Variants in DDX6 observed in about 807,000 individuals in gnomAD.
The protein encoded by DDX6 is probable ATP-dependent RNA helicase DDX6.
Under a neutral mutation model 60.6 loss-of-function variants are expected in DDX6, and 7 were observed. The observed-to-expected ratio is 0.12, with a 90% CI of 0.07 to 0.22. DDX6 has a LOEUF of 0.22. DDX6 is among the 10% of genes least tolerant of loss of function. The pLI is 1.00. For synonymous variants in DDX6, 207 were observed against 201.0 expected (o/e 1.03, Z -0.25); for missense variants, 270 against 589.9 (o/e 0.46, Z 5.62).
rs1860619300 is a variant in DDX6 at position 118,747,973 on chromosome 11, A to T, written c.*4132T>A. The T allele has an allele frequency of 7.0e-6, 1 of 142,088 alleles. No individual in the cohort carries two copies. Among genetic ancestry groups the T allele is most frequent in the African/African-American group, 2.7e-5 (1 of 37,352 alleles). 8.8% of individuals were successfully genotyped at this position (142,088 alleles called of 1,614,324 possible). On this transcript the variant is annotated 3_prime_UTR_variant, in exon 14 of 14. Coordinates refer to ENST00000534980, the MANE Select transcript of DDX6 (RefSeq NM_004397.6). ...TTTTCCCTTCCCCCAATGTTTCTGA[A>T]ATTTTGAGTTCCCACTGTTCACTTC... is the stretch of plus-strand genomic sequence containing the variant.
intron 7 of DDX6, 122 bp from the exon 8 acceptor site, chr11:118,760,166 A>G (rs1555159856): frequency 2.1e-6 from 2 of 939,982 alleles, no homozygotes; most frequent in East Asian, 5.4e-5. Flanking sequence ...TCCTGGTGGA[A>G]AACAATAAAT....
chr11:118,755,277 A>G (rs993011705), intron 12 of DDX6, 125 bp downstream of exon 12: 1 of 623,222 alleles, frequency 1.6e-6, no homozygotes, highest in Admixed American at 2.9e-5. Flanking sequence ...ATACCAAACA[A>G]CTGAATTACT....
intron 5 of DDX6, among the ~76,000 whole-genome samples, chr11:118,766,689 G>T (rs1161446255): frequency 1.3e-5 from 2 of 151,988 alleles, no homozygotes; most frequent in Non-Finnish European, 1.5e-5. Flanking sequence ...TGCCTCCCAG[G>T]TTCAAGCAAT....
intron 4 of DDX6, among the ~76,000 whole-genome samples, chr11:118,775,783 T>C (rs1440437429): frequency 6.6e-6 from 1 of 152,200 alleles, no homozygotes; most frequent in Non-Finnish European, 1.5e-5. Context: ...GTAACAAAGT[T>C]AATTTTAAAT....
chr11:118,760,816 T>G (rs1861139338), intron 7 of DDX6, among the ~76,000 whole-genome samples: 1 of 100,072 alleles, frequency 1.0e-5, no homozygotes, highest in Non-Finnish European at 1.9e-5. Flanking sequence ...GCGAGACTAC[T>G]CCGTCTCAAA....
chr11:118,777,885 T>C (rs1465257717), intron 4 of DDX6, among the ~76,000 whole-genome samples: 19 of 93,254 alleles, frequency 2.0e-4, no homozygotes, highest in Admixed American at 4.7e-4. Flanking sequence ...CTAGACTCCA[T>C]CTCAAAAAAG....
Position 118,754,720 on chromosome 11 carries a change from T to G in DDX6, c.1444A>C (p.Lys482Gln). ...EYHSEPVEDE[K>Q]P ...AGGGACGTACATGCTTGTTAAGGTTTCTCATCTTCTACAGGCTCGCTGTGG... is the reference window on the plus strand; with the variant it reads ...AGGGACGTACATGCTTGTTAAGGTTGCTCATCTTCTACAGGCTCGCTGTGG... Residue 482 changes from lysine (K) to glutamine (Q), a missense_variant, in exon 13 of 14, where the codon AAA becomes CAA. This residue lies in a region of DDX6 where 34 missense variants were observed against 59.4 expected (regional missense o/e 0.57). Transcript: ENST00000534980. The G allele has an allele frequency of 1.2e-6, 2 of 1,606,530 alleles. No homozygotes were observed. Among genetic ancestry groups the G allele is most frequent in the Non-Finnish European group, 1.7e-6 (2 of 1,177,924 alleles).
intron 5 of DDX6, among the ~76,000 whole-genome samples, chr11:118,766,709 TCAGCCTACTGAGTAACCGCCACCACACC>T (rs1289999220): frequency 1.3e-4 from 20 of 152,130 alleles, no homozygotes; most frequent in African/African-American, 4.8e-4. Context: ...TTCTCCTGCC[TCAGCCTACTGAGTAACCGCCACCACACC>T]CAGCTAATTT....
Position 118,768,259 on chromosome 11 carries a change from G to T in DDX6, c.463C>A (p.Leu155Ile). ...TCCTTCTTCAGGTCTAGCCGTTCAA[G>T]TAAGGGAATGAGGTAGGCACCGCTC... is the stretch of plus-strand genomic sequence containing the variant. ...GKSGAYLIPL[L>I]ERLDLKKDNI... The change falls in exon 5 of 14, where the codon CTT (leucine) becomes ATT (isoleucine). Residue 155 changes from leucine to isoleucine, a missense_variant. This residue lies in a region of DDX6 where 17 missense variants were observed against 18.6 expected (regional missense o/e 0.91). Coordinates refer to ENST00000534980, the MANE Select transcript of DDX6 (RefSeq NM_004397.6). 1 of 1,613,870 alleles carries T rather than the reference G, an allele frequency of 6.2e-7. No individual in the cohort carries two copies. Among genetic ancestry groups the T allele is most frequent in the Non-Finnish European group, 8.5e-7 (1 of 1,179,880 alleles).
intron 2 of DDX6, among the ~76,000 whole-genome samples, chr11:118,782,919 C>G (rs1474299222): frequency 6.6e-6 from 1 of 152,266 alleles, no homozygotes; most frequent in East Asian, 1.9e-4. Context: ...CGTGAGCCAC[C>G]TCACCCGGCC....
At position 118,786,322 on chromosome 11, in the gene DDX6, T is replaced by A. The variant is rs1862073382; in HGVS notation, c.-71A>T. 1.5e-6 allele frequency: 2 copies of A among 1,309,872 alleles called. No individual in the cohort carries two copies. 81.1% of individuals were successfully genotyped at this position (1,309,872 alleles called of 1,614,324 possible). A position where few individuals can be genotyped will look rare whatever the true frequency, so the allele number is the denominator to read the frequency against. On this transcript the variant is annotated 5_prime_UTR_variant, in exon 2 of 14. Transcript: ENST00000534980. ...GTCAGTAGAGAAACTGTAATAACAGTTTATTAGGCTCTCCAAAATGAAGAG... is the reference window on the plus strand; with the variant it reads ...GTCAGTAGAGAAACTGTAATAACAGATTATTAGGCTCTCCAAAATGAAGAG...
chr11:118,755,712 G>A (rs1297266707), intron 11 of DDX6, among the ~76,000 whole-genome samples: 2 of 151,960 alleles, frequency 1.3e-5, no homozygotes, highest in African/African-American at 4.8e-5. Flanking sequence ...TTGTAAGCAA[G>A]TTTTAAAAAA....
At chr11:118,760,518 T>C (rs1555159920) in intron 7 of DDX6, among the ~76,000 whole-genome samples, 1 of 152,096 alleles carries the variant, frequency 6.6e-6, no homozygotes, top group Non-Finnish European at 1.5e-5. Flanking sequence ...TAGTATGGTG[T>C]AGTGTTTAAA....
intron 4 of DDX6, among the ~76,000 whole-genome samples, chr11:118,777,341 C>A (rs1377719776): frequency 6.6e-6 from 1 of 152,106 alleles, no homozygotes; most frequent in Non-Finnish European, 1.5e-5. Context: ...CTGTTGTCAT[C>A]ATTTATCAAA....
Position 118,749,293 on chromosome 11 carries a change from T to C in DDX6, c.*2812A>G, listed in dbSNP as rs782134194. On this transcript the variant is annotated 3_prime_UTR_variant, in exon 14 of 14. Transcript: ENST00000534980. ...TACTTAAAAAAATACATATTTAATA[T>C]TGGAAAGAATGTGAAAACAACTTCC... is the stretch of plus-strand genomic sequence containing the variant. 3 of 142,912 alleles carry C rather than the reference T, an allele frequency of 2.1e-5. No homozygotes were observed. The highest frequency in any genetic ancestry group is 4.5e-5 in the Non-Finnish European group (3 of 66,888). 8.9% of individuals were successfully genotyped at this position (142,912 alleles called of 1,614,324 possible).
chr11:118,779,601 C>T lies in DDX6; in HGVS notation c.369+31G>A, dbSNP rs1555164260. ...AACTGTTTAATGGTTGACACATAAC[C>T]TTACATATGTGATAAAAAGGGTTAA... is the stretch of plus-strand genomic sequence containing the variant. On this transcript the variant is annotated intron_variant, in intron 4 of 13. Transcript: ENST00000534980. The T allele has an allele frequency of 5.6e-6, 8 of 1,416,086 alleles. No individual in the cohort carries two copies. In the Admixed American group the frequency reaches 9.3e-5, roughly 17 times the overall value. 87.7% of individuals were successfully genotyped at this position (1,416,086 alleles called of 1,614,324 possible).
At chr11:118,774,552 C>T (rs1409665050) in intron 4 of DDX6, among the ~76,000 whole-genome samples, 1 of 150,506 alleles carries the variant, frequency 6.6e-6, no homozygotes, top group Non-Finnish European at 1.5e-5. Context: ...CACTTACAGC[C>T]TCAACCTCCT....
At chr11:118,767,009 C>T (rs1861376657) in intron 5 of DDX6, among the ~76,000 whole-genome samples, 1 of 152,010 alleles carries the variant, frequency 6.6e-6, no homozygotes, top group Non-Finnish European at 1.5e-5. Context: ...CCTCAGCCTC[C>T]TTGAGTAGCT....
chr11:118,768,203 C>T lies in DDX6; in HGVS notation c.499+20G>A, dbSNP rs541817270. On this transcript the variant is annotated intron_variant, in intron 5 of 13. Transcript: ENST00000534980. ...GAAACTCCCATTTTTAGTTTAAAAA[C>T]AAACTTTTATTCAACTAACCTTGTA... 9 of 1,605,864 alleles carry T rather than the reference C, an allele frequency of 5.6e-6. No individual in the cohort carries two copies. In the East Asian group the frequency reaches 1.8e-4, roughly 32 times the overall value.
Sources: allele counts gnomAD v4.1 joint callset (sites outside exome capture counted in the v4.1 genomes callset), GRCh38; gene constraint gnomAD v4.1.1; regional missense constraint gnomAD v4.1.1; transcripts MANE v1.5; gene names NCBI Gene and HGNC (gene_info 2026-07-23, HGNC 2026-07-21).